The following PCDHGA5 variants were observed in gnomAD, a reference collection of about 807,000 sequenced individuals.
PCDHGA5 encodes the protein protocadherin gamma-A5.
A neutral mutation model predicts 56.7 loss-of-function variants in PCDHGA5; 36 were observed. That is an observed-to-expected ratio of 0.64 (90% CI 0.49 to 0.84). PCDHGA5 has a LOEUF of 0.84. PCDHGA5 is among the 40% of genes least tolerant of loss of function. The pLI is 0.00. For synonymous variants in PCDHGA5, 563 were observed against 520.2 expected (o/e 1.08, Z -1.12); for missense variants, 1,305 against 1,201.5 (o/e 1.09, Z -1.27).
intron 1 of PCDHGA5, chr5:141,374,920 T>A: frequency 1.1e-5 from 17 of 1,613,964 alleles, no homozygotes; most frequent in Non-Finnish European, 1.4e-5. Context: ...AAGTAACTTA[T>A]TCCTTTGTGA....
At chr5:141,384,723 G>A (rs1780414266) in intron 1 of PCDHGA5, 1 of 1,614,142 alleles carries the variant, frequency 6.2e-7, no homozygotes, top group Non-Finnish European at 8.5e-7. Flanking sequence ...CATACCTCCT[G>A]CTTAAGGCCA....
intron 1 of PCDHGA5, chr5:141,372,747 G>T (rs749618566): frequency 1.6e-5 from 26 of 1,613,300 alleles, no homozygotes; most frequent in Admixed American, 1.7e-5. Context: ...ATGTGATGAA[G>T]CCTCTTGGTT....
intron 1 of PCDHGA5, among the ~76,000 whole-genome samples, chr5:141,451,138 A>T (rs1348825654): frequency 6.6e-6 from 1 of 152,242 alleles, no homozygotes; most frequent in East Asian, 1.9e-4. Flanking sequence ...TTATGATTGT[A>T]TTTAGACTAG....
chr5:141,375,152 G>T, intron 1 of PCDHGA5: 2 of 1,613,930 alleles, frequency 1.2e-6, no homozygotes, highest in Non-Finnish European at 1.7e-6. Context: ...CAGAACAATT[G>T]CTGAAAGTGC....
chr5:141,421,533 C>T (rs80184002), intron 1 of PCDHGA5: 1 of 1,614,044 alleles, frequency 6.2e-7, no homozygotes, highest in African/African-American at 1.3e-5. Flanking sequence ...CGGTGTCCTC[C>T]TGTTTTTTAA....
At chr5:141,410,369 A>G in intron 1 of PCDHGA5, 1 of 1,613,954 alleles carries the variant, frequency 6.2e-7, no homozygotes. Context: ...CAGCCCTGCT[A>G]CTTGGGACTG....
At position 141,382,966 on chromosome 5, in the gene PCDHGA5, C is replaced by A. The variant is rs36077896; in HGVS notation, c.2421+16215C>A. ...CCTGCTCTCCATCCTCCTGGGGACC[C>A]CCTGGGAAGCCTGGGCAGGACGTAT... On this transcript the variant is annotated intron_variant, in intron 1 of 3. Coordinates refer to ENST00000518069, the MANE Select transcript of PCDHGA5 (RefSeq NM_018918.3). 1,675 of 1,609,050 alleles carry A rather than the reference C, an allele frequency of 1.0e-3. 6 individuals are homozygous for A. Among genetic ancestry groups the A allele is most frequent in the Middle Eastern group, 5.5e-3 (33 of 6,044 alleles).
At position 141,415,039 on chromosome 5, in the gene PCDHGA5, G is replaced by T. The variant is rs761101620; in HGVS notation, c.2421+48288G>T. ...CAAGGCCAGCGAGCCGGGACTCTTC[G>T]CGGTGGGGGAGCACACGGGCGAGGT... On this transcript the variant is annotated intron_variant, in intron 1 of 3. Transcript: ENST00000518069. The T allele has an allele frequency of 3.1e-6, 5 of 1,613,342 alleles. No homozygotes were observed. The highest frequency in any genetic ancestry group is 3.4e-6 in the Non-Finnish European group (4 of 1,179,934).
At chr5:141,383,857 C>T (rs1779530315) in intron 1 of PCDHGA5, 2 of 1,613,810 alleles carry the variant, frequency 1.2e-6, no homozygotes, top group Non-Finnish European at 1.7e-6. Context: ...AATGGAGGTT[C>T]AGGCTCAAGA....
intron 1 of PCDHGA5, chr5:141,372,483 G>C: frequency 1.2e-6 from 2 of 1,614,028 alleles, no homozygotes; most frequent in Non-Finnish European, 1.7e-6. Flanking sequence ...AGTGGCGTTG[G>C]CCTTGATCTC....
At position 141,486,873 on chromosome 5, in the gene PCDHGA5, G is replaced by A. The variant is rs769661146; in HGVS notation, c.2422-7934G>A. On this transcript the variant is annotated intron_variant, in intron 1 of 3. Transcript: ENST00000518069. This position sits in a 1 kb window ranked among gnomAD's most constrained non-coding sequence, Gnocchi z 5.0. ...AATGACAATGCTCCAGCTGTGCTCCGTCCTCGGGCCCGGCCTGGTTCCTTA... is the reference window on the plus strand; with the variant it reads ...AATGACAATGCTCCAGCTGTGCTCCATCCTCGGGCCCGGCCTGGTTCCTTA... 1.6e-5 allele frequency: 26 copies of A among 1,614,082 alleles called. No individual in the cohort carries two copies. Among genetic ancestry groups the A allele is most frequent in the African/African-American group, 4.0e-5 (3 of 74,922 alleles).
At position 141,413,133 on chromosome 5, in the gene PCDHGA5, C is replaced by T. The variant is rs765215473; in HGVS notation, c.2421+46382C>T. The stretch of plus-strand genomic sequence containing the variant: ...CAAAGGAACCGGTTGAAACACACAA[C>T]GTGTCCAGTGAGGACTTTGCAGAAT... On this transcript the variant is annotated intron_variant, in intron 1 of 3. Transcript: ENST00000518069. 1.1e-5 allele frequency: 17 copies of T among 1,542,110 alleles called. No individual in the cohort carries two copies. In the East Asian group the frequency reaches 3.2e-4, roughly 29 times the overall value.
intron 1 of PCDHGA5, chr5:141,413,818 G>T: frequency 6.2e-7 from 1 of 1,613,138 alleles, no homozygotes; most frequent in Non-Finnish European, 8.5e-7. Context: ...TCACCACCTG[G>T]TCCTCACCGC....
At chr5:141,403,773 A>G (rs1286965459) in intron 1 of PCDHGA5, 5 of 1,613,956 alleles carry the variant, frequency 3.1e-6, no homozygotes, top group Non-Finnish European at 4.2e-6. Flanking sequence ...GAGGGAATCA[A>G]CGGAAAAGTG....
At chr5:141,389,432 C>G in intron 1 of PCDHGA5, 1 of 1,610,650 alleles carries the variant, frequency 6.2e-7, no homozygotes, top group Non-Finnish European at 8.5e-7. Context: ...TCGCGCAGCG[C>G]GCCTTCGACC....
chr5:141,470,054 C>T (rs895181664), intron 1 of PCDHGA5, among the ~76,000 whole-genome samples: 2 of 152,118 alleles, frequency 1.3e-5, no homozygotes, highest in African/African-American at 4.8e-5. Flanking sequence ...GTTTGAACCC[C>T]GGAGGCAGAG....
chr5:141,470,488 T>A (rs2099231812), intron 1 of PCDHGA5, among the ~76,000 whole-genome samples: 2 of 152,234 alleles, frequency 1.3e-5, no homozygotes, highest in South Asian at 4.1e-4. Flanking sequence ...CCTCTGGGAA[T>A]AATATTAGGT....
At chr5:141,465,152 G>C (rs1028596804) in intron 1 of PCDHGA5, among the ~76,000 whole-genome samples, 1 of 151,422 alleles carries the variant, frequency 6.6e-6, no homozygotes, top group African/African-American at 2.4e-5. Flanking sequence ...TATATGAAGG[G>C]ACTCTAAATG....
At chr5:141,389,055 A>G in intron 1 of PCDHGA5, 1 of 1,613,996 alleles carries the variant, frequency 6.2e-7, no homozygotes, top group South Asian at 1.1e-5. Context: ...TGTTCCATTT[A>G]AAATATTAAC....
Sources: gnomAD v4.1 joint callset for allele counts (sites outside exome capture counted in the v4.1 genomes callset) on GRCh38, gnomAD v4.1.1 for gene constraint, Gnocchi (gnomAD v3.1) non-coding constraint, MANE v1.5 for transcripts, NCBI Gene and HGNC (gene_info 2026-07-23, HGNC 2026-07-21) for gene names.